OTUD3: variants seen among roughly 807,000 people sequenced by gnomAD.
OTUD3 encodes the protein OTU deubiquitinase 3.
A neutral mutation model predicts 46.2 loss-of-function variants in OTUD3; 24 were observed. That is an observed-to-expected ratio of 0.52 (90% CI 0.38 to 0.73). The LOEUF (loss-of-function observed/expected upper bound fraction) is 0.73, where lower values mean the gene tolerates loss of function less well. Among genes scored for constraint, OTUD3 ranks in the 30% least tolerant of loss-of-function variants. OTUD3 has a pLI of 0.00. For synonymous variants in OTUD3, 189 were observed against 195.4 expected (o/e 0.97, Z 0.27); for missense variants, 455 against 523.3 (o/e 0.87, Z 1.27).
chr1:19,897,786 C>A, intron 4 of OTUD3, 124 bp downstream of exon 4: 1 of 927,736 alleles, frequency 1.1e-6, no homozygotes, highest in Non-Finnish European at 1.6e-6. Context: ...ATCTGTGGGC[C>A]TGATTTTAAA....
chr1:19,889,624 A>G (rs2045420528), intron 1 of OTUD3, among the ~76,000 whole-genome samples: 1 of 152,238 alleles, frequency 6.6e-6, no homozygotes, highest in African/African-American at 2.4e-5. Context: ...TTCGGAATTT[A>G]GAAGCCTTTG....
At position 19,906,612 on chromosome 1, in the gene OTUD3, C is replaced by T. The variant is rs1422253999; in HGVS notation, c.1016C>T (p.Ala339Val). The T allele has an allele frequency of 6.2e-7, 1 of 1,608,148 alleles. No homozygotes were observed. Among genetic ancestry groups the T allele is most frequent in the African/African-American group, 1.3e-5 (1 of 74,842 alleles). ...EENKANKNQL[A>V]KVTNKQRREQ... ...AACAAAGCAAATAAAAACCAGCTCGCAAAGGTATGTAAGATGGGGTTGAAT... is the reference window on the plus strand; with the variant it reads ...AACAAAGCAAATAAAAACCAGCTCGTAAAGGTATGTAAGATGGGGTTGAAT... The change falls in exon 7 of 8, where the codon GCA becomes GTA. Residue 339 changes from alanine (A) to valine (V), a missense_variant. Transcript: ENST00000375120.
intron 2 of OTUD3, among the ~76,000 whole-genome samples, chr1:19,893,081 T>C (rs541768938): frequency 1.3e-5 from 2 of 152,286 alleles, no homozygotes; most frequent in East Asian, 3.9e-4. Context: ...TCCTTGTCCT[T>C]TGGGTATTAG....
At chr1:19,886,142 G>A (rs961610559) in intron 1 of OTUD3, among the ~76,000 whole-genome samples, 1 of 152,152 alleles carries the variant, frequency 6.6e-6, no homozygotes. Context: ...GAAAGAAATA[G>A]TTTAACCTTG....
In OTUD3 at chr1:19,912,132, T is replaced by G. The variant is rs1000839287; in HGVS notation, c.*4386T>G. ...GCATAGGGAATTTATTCTAAGCAGGTCATAGCCGTGATCCAGAGCTGCTGC... is the reference window on the plus strand; with the variant it reads ...GCATAGGGAATTTATTCTAAGCAGGGCATAGCCGTGATCCAGAGCTGCTGC... On this transcript the variant is annotated 3_prime_UTR_variant, in exon 8 of 8. Coordinates refer to ENST00000375120, the MANE Select transcript of OTUD3 (RefSeq NM_015207.2). The G allele has an allele frequency of 6.6e-6, 1 of 152,388 alleles. No individual in the cohort carries two copies. Among genetic ancestry groups the G allele is most frequent in the Admixed American group, 6.5e-5 (1 of 15,288 alleles). The allele number at this position is 152,388 out of a possible 1,614,324, so 9.4% of individuals were successfully genotyped here. A position where few individuals can be genotyped will look rare whatever the true frequency, so the allele number is the denominator to read the frequency against.
chr1:19,898,759 T>G (rs536047205), intron 4 of OTUD3, among the ~76,000 whole-genome samples: 1 of 152,056 alleles, frequency 6.6e-6, no homozygotes, highest in East Asian at 1.9e-4. Context: ...CATTATTGCA[T>G]AAACCTTTTT....
At chr1:19,884,637 C>T (rs1348435025) in intron 1 of OTUD3, among the ~76,000 whole-genome samples, 5 of 152,106 alleles carry the variant, frequency 3.3e-5, no homozygotes, top group African/African-American at 1.2e-4. Context: ...AGTTAAAACA[C>T]AAGAATACAC....
chr1:19,897,819 A>C, intron 4 of OTUD3, 157 bp downstream of exon 4: 1 of 670,336 alleles, frequency 1.5e-6, no homozygotes, highest in Non-Finnish European at 2.3e-6. Flanking sequence ...TTCTTAGTTT[A>C]GGTGAGAGTG....
chr1:19,884,722 G>A (rs2045331252), intron 1 of OTUD3, among the ~76,000 whole-genome samples: 1 of 152,182 alleles, frequency 6.6e-6, no homozygotes, highest in African/African-American at 2.4e-5. Context: ...GCACTTGTGA[G>A]AGAATGAGAA....
chr1:19,910,782 C>G lies in OTUD3; in HGVS notation c.*3036C>G, dbSNP rs538460438. 6.6e-6 allele frequency: 1 copy of G among 152,438 alleles called. No individual in the cohort carries two copies. The highest frequency in any genetic ancestry group is 1.9e-4 in the East Asian group (1 of 5,320). 9.4% of individuals were successfully genotyped at this position (152,438 alleles called of 1,614,324 possible). On this transcript the variant is annotated 3_prime_UTR_variant, in exon 8 of 8. Transcript: ENST00000375120. ...GTAATTTATTATGCCTGCCCTGCTT[C>G]CCCCAGGGAGCTGCTTCAGTGTGAA...
At chr1:19,894,549 T>G (rs2045491684) in intron 3 of OTUD3, 69 bp downstream of exon 3, 1 of 932,092 alleles carries the variant, frequency 1.1e-6, no homozygotes, top group Non-Finnish European at 1.7e-6. Flanking sequence ...TATCCGAAGA[T>G]GAGGGGCTTG....
chr1:19,896,553 C>T (rs767109261), intron 3 of OTUD3, among the ~76,000 whole-genome samples: 28 of 152,200 alleles, frequency 1.8e-4, no homozygotes, highest in African/African-American at 6.0e-4. Context: ...AAAGCTTCCA[C>T]GCTACTGACA....
chr1:19,907,558 C>T lies in OTUD3; in HGVS notation c.1021-12C>T, dbSNP rs146400673. On this transcript the variant is annotated splice_polypyrimidine_tract_variant and intron_variant, in intron 7 of 7. Coordinates refer to ENST00000375120, the MANE Select transcript of OTUD3 (RefSeq NM_015207.2). Reference sequence around the variant, plus strand: ...CGTGCTTCCTACTCACCACCATGGCCTTCTCTCTCAGGTCACAAACAAACA... The same window carrying T: ...CGTGCTTCCTACTCACCACCATGGCTTTCTCTCTCAGGTCACAAACAAACA... 17 of 1,613,596 alleles carry T rather than the reference C, an allele frequency of 1.1e-5. No homozygotes were observed. In the East Asian group the frequency reaches 3.6e-4, roughly 34 times the overall value.
Position 19,907,769 on chromosome 1 carries a change from T to G in OTUD3, c.*23T>G. 1 of 1,609,676 alleles carries G rather than the reference T, an allele frequency of 6.2e-7. No homozygotes were observed. The highest frequency in any genetic ancestry group is 1.3e-5 in the African/African-American group (1 of 74,978). The stretch of plus-strand genomic sequence containing the variant: ...TGACTCTTTGGCCTCTTGGGAGTTG[T>G]AAGAAGCGGCTGGAAAAGGATTGCT... On this transcript the variant is annotated 3_prime_UTR_variant, in exon 8 of 8. Transcript: ENST00000375120.
rs202223536 is a variant in OTUD3 at position 19,906,407 on chromosome 1, T to G, written c.836-25T>G. On this transcript the variant is annotated intron_variant, in intron 6 of 7. Transcript: ENST00000375120. ...CTGTGTAACTCTCAGGTTCTCAGTT[T>G]TAATGAAATGTCTTTCTTTGGAAGA... is the stretch of plus-strand genomic sequence containing the variant. The G allele has an allele frequency of 1.7e-5, 28 of 1,609,612 alleles. No homozygotes were observed. The South Asian group carries it at 1.8e-4, about 10-fold the overall frequency.
Position 19,890,525 on chromosome 1 carries a change from A to C in OTUD3, c.362A>C (p.Glu121Ala). 6.2e-7 allele frequency: 1 copy of C among 1,613,814 alleles called. No individual in the cohort carries two copies. The highest frequency in any genetic ancestry group is 8.5e-7 in the Non-Finnish European group (1 of 1,179,718). ...EPFVEDDIPF[E>A]KHVASLAKPG... ...TTTGTAGAAGATGACATTCCTTTTGAGAAGCATGGTAGGTTCACTGTGGGA... is the reference window on the plus strand; with the variant it reads ...TTTGTAGAAGATGACATTCCTTTTGCGAAGCATGGTAGGTTCACTGTGGGA... The change falls in exon 2 of 8, where the codon GAG becomes GCG. Residue 121 changes from glutamate to alanine, a missense_variant. Glu to Ala is a moderately radical substitution (Grantham distance 107). Coordinates refer to ENST00000375120, the MANE Select transcript of OTUD3 (RefSeq NM_015207.2).
At chr1:19,902,500 C>T (rs569604539) in intron 4 of OTUD3, among the ~76,000 whole-genome samples, 36 of 152,276 alleles carry the variant, frequency 2.4e-4, no homozygotes, top group East Asian at 1.9e-4. Context: ...CCACCACGCC[C>T]GGCCAGTATC....
intron 1 of OTUD3, among the ~76,000 whole-genome samples, chr1:19,884,689 G>C (rs932106627): frequency 1.3e-5 from 2 of 152,106 alleles, no homozygotes; most frequent in Admixed American, 6.5e-5. Context: ...TCATGCATCA[G>C]GTAGCCTCTG....
chr1:19,907,421 T>C, intron 7 of OTUD3, 149 bp from the exon 8 acceptor site: 2 of 623,368 alleles, frequency 3.2e-6, no homozygotes. Flanking sequence ...TGAGCAGCAG[T>C]GGACAGTAAA....
Sources: gnomAD v4.1 joint callset for allele counts (sites outside exome capture counted in the v4.1 genomes callset) on GRCh38, gnomAD v4.1.1 for gene constraint, MANE v1.5 for transcripts, NCBI Gene and HGNC (gene_info 2026-07-23, HGNC 2026-07-21) for gene names.